The following NRP1 variants were observed in gnomAD, a reference collection of about 807,000 sequenced individuals.
The protein encoded by NRP1 is neuropilin 1.
A neutral mutation model predicts 106.7 loss-of-function variants in NRP1; 35 were observed. That is an observed-to-expected ratio of 0.33 (90% CI 0.25 to 0.43). The LOEUF (loss-of-function observed/expected upper bound fraction) is 0.43. NRP1 is among the 20% of genes least tolerant of loss of function. The probability of loss-of-function intolerance (pLI) is 1.00; values close to 1 mark genes in which losing one functional copy is unlikely to be tolerated. For missense variants in NRP1, 1,024 were observed against 1,170.4 expected, an observed-to-expected ratio of 0.87 and a Z score of 1.83; for synonymous variants, 437 against 417.9, an observed-to-expected ratio of 1.05 and a Z score of -0.56.
intron 6 of NRP1, among the ~76,000 whole-genome samples, chr10:33,251,118 C>T (rs1046345844): frequency 2.0e-4 from 30 of 152,182 alleles, no homozygotes; most frequent in East Asian, 5.8e-4. Context: ...ATCATGGGGG[C>T]GGTTTTCCCC....
chr10:33,319,588 C>CTTTTTTT (rs35886672), intron 2 of NRP1, among the ~76,000 whole-genome samples: 1 of 115,614 alleles, frequency 8.6e-6, no homozygotes, highest in Non-Finnish European at 1.8e-5. Context: ...TTCTTTCTTT[C>CTTTTTTT]TTTTTTTTTT....
intron 2 of NRP1, among the ~76,000 whole-genome samples, chr10:33,278,950 G>T (rs1270021498): frequency 1.3e-5 from 2 of 152,028 alleles, no homozygotes; most frequent in African/African-American, 4.8e-5. Flanking sequence ...AAGGTATTAT[G>T]AAAATGAAGA....
At chr10:33,332,352 A>C (rs1848343184) in intron 1 of NRP1, among the ~76,000 whole-genome samples, 1 of 151,928 alleles carries the variant, frequency 6.6e-6, no homozygotes, top group Non-Finnish European at 1.5e-5. Context: ...TTCTGCTGAG[A>C]CTCTTGCATT....
chr10:33,327,392 CAT>C (rs1847963759), intron 2 of NRP1, among the ~76,000 whole-genome samples: 1 of 152,002 alleles, frequency 6.6e-6, no homozygotes, highest in Admixed American at 6.6e-5. Flanking sequence ...TGCCAACAGA[CAT>C]ATAATGAAGC....
At chr10:33,254,336 C>T (rs1842060628) in intron 5 of NRP1, 142 bp from the exon 6 acceptor site, 1 of 628,004 alleles carries the variant, frequency 1.6e-6, no homozygotes, top group East Asian at 2.8e-5. Flanking sequence ...TGGAATATAG[C>T]ACTGATACTT....
chr10:33,333,866 T>A (rs1848446119), intron 1 of NRP1, among the ~76,000 whole-genome samples: 1 of 152,092 alleles, frequency 6.6e-6, no homozygotes, highest in Non-Finnish European at 1.5e-5. Flanking sequence ...AACCGATATC[T>A]CTGGCCGTCA....
chr10:33,281,488 G>A (rs923531981), intron 2 of NRP1, among the ~76,000 whole-genome samples: 3 of 152,092 alleles, frequency 2.0e-5, no homozygotes, highest in Admixed American at 6.6e-5. Context: ...TCCAAAAGGC[G>A]GCTCCTCCAT....
chr10:33,249,604 T>C (rs1841700603), intron 6 of NRP1: 1 of 453,736 alleles, frequency 2.2e-6, no homozygotes, highest in Non-Finnish European at 4.4e-6. Flanking sequence ...AATAATAAGA[T>C]CAGCAGCTCT....
At chr10:33,223,719 A>G (rs1340027210) in intron 7 of NRP1, among the ~76,000 whole-genome samples, 1 of 152,060 alleles carries the variant, frequency 6.6e-6, no homozygotes, top group Non-Finnish European at 1.5e-5. Flanking sequence ...TGGCCTTTTG[A>G]TTTCTGCCCT....
chr10:33,237,431 G>A (rs1354381505), intron 6 of NRP1, among the ~76,000 whole-genome samples: 1 of 151,608 alleles, frequency 6.6e-6, no homozygotes, highest in Non-Finnish European at 1.5e-5. Flanking sequence ...TTTGGCTGGG[G>A]AAGCAGAAGC....
At chr10:33,192,184 C>G in intron 13 of NRP1, 97 bp downstream of exon 13, 1 of 1,331,908 alleles carries the variant, frequency 7.5e-7, no homozygotes, top group South Asian at 1.4e-5. Flanking sequence ...TTCCTACCCG[C>G]CCTAAATTCA....
chr10:33,214,353 T>C (rs1247335233), intron 8 of NRP1, among the ~76,000 whole-genome samples: 1 of 152,186 alleles, frequency 6.6e-6, no homozygotes, highest in African/African-American at 2.4e-5. Flanking sequence ...AAGACAGTCC[T>C]TTCCCCTGGA....
rs187585013 is a variant in NRP1 at position 33,292,788 on chromosome 10, G to T, written c.249-21932C>A. ...GGGTTACCTGAGGTCAGAAGTTCGAGACCAGCCTGGCCAACATGGTGAAAC... is the reference window on the plus strand; with the variant it reads ...GGGTTACCTGAGGTCAGAAGTTCGATACCAGCCTGGCCAACATGGTGAAAC... On this transcript the variant is annotated intron_variant, in intron 2 of 16. Transcript: ENST00000374867. 2.6e-5 allele frequency among the ~76,000 whole-genome samples: 4 copies of T among 152,288 alleles called. No homozygotes were observed. In the East Asian group the frequency reaches 7.7e-4, roughly 29 times the overall value.
intron 6 of NRP1, among the ~76,000 whole-genome samples, chr10:33,231,204 C>G (rs1277709763): frequency 1.3e-5 from 2 of 152,320 alleles, no homozygotes; most frequent in South Asian, 4.1e-4. Flanking sequence ...GTCCCCATCA[C>G]TGAATTCATC....
At chr10:33,210,909 A>G (rs1216111611) in intron 9 of NRP1, among the ~76,000 whole-genome samples, 1 of 152,074 alleles carries the variant, frequency 6.6e-6, no homozygotes, top group African/African-American at 2.4e-5. Context: ...ATTTTTACCC[A>G]TTTCTTTTTT....
chr10:33,300,186 G>A (rs1845704118), intron 2 of NRP1, among the ~76,000 whole-genome samples: 1 of 152,172 alleles, frequency 6.6e-6, no homozygotes, highest in African/African-American at 2.4e-5. Flanking sequence ...TGGTGTCAAA[G>A]TGTTTCCAAT....
In NRP1 at chr10:33,213,487, G is replaced by A. The variant is rs764845863; in HGVS notation, c.1513C>T (p.His505Tyr). ...VRGIIIQGGK[H>Y]RENKVFMRKF... ...CTCATGAACACCTTGTTCTCTCGGT[G>A]CTTCCCACCCTGAATGATGATGCCC... The change falls in exon 9 of 17, where the codon CAC becomes TAC. Residue 505 changes from histidine (H) to tyrosine (Y), a missense_variant. By Grantham distance (83) the His-to-Tyr change is moderately conservative. Coordinates refer to ENST00000374867, the MANE Select transcript of NRP1 (RefSeq NM_003873.7). 1 of 1,614,016 alleles carries A rather than the reference G, an allele frequency of 6.2e-7. No homozygotes were observed. Among genetic ancestry groups the A allele is most frequent in the South Asian group, 1.1e-5 (1 of 91,046 alleles).
At chr10:33,239,295 A>C (rs2133062439) in intron 6 of NRP1, among the ~76,000 whole-genome samples, 1 of 152,160 alleles carries the variant, frequency 6.6e-6, no homozygotes, top group South Asian at 2.1e-4. Context: ...CTCAAAAAAA[A>C]AAAATGGGGG....
chr10:33,270,884 T>C (rs1564442851), intron 2 of NRP1, 28 bp from the exon 3 acceptor site: 1 of 1,548,748 alleles, frequency 6.5e-7, no homozygotes, highest in Admixed American at 1.9e-5. Flanking sequence ...AAGAAAACAT[T>C]AGGTTGGTGA....
Sources: gnomAD v4.1 joint callset for allele counts (sites outside exome capture counted in the v4.1 genomes callset) on GRCh38, gnomAD v4.1.1 for gene constraint, MANE v1.5 for transcripts, NCBI Gene and HGNC (gene_info 2026-07-23, HGNC 2026-07-21) for gene names.